The following FHOD3 variants were observed in gnomAD, a reference collection of about 807,000 sequenced individuals.
The protein encoded by FHOD3 is FH1/FH2 domain-containing protein 3.
In FHOD3, 90 loss-of-function variants were observed where a neutral mutation model predicts 173.0. The ratio of observed to expected loss-of-function variants is 0.52; its 90% CI spans 0.44 to 0.62. The LOEUF (loss-of-function observed/expected upper bound fraction) is 0.62. FHOD3 is among the 20% of genes least tolerant of loss of function. FHOD3 has a pLI of 0.00. For missense variants in FHOD3, 1,945 were observed against 2,034.7 expected (o/e 0.96, Z 0.85); for synonymous variants, 828 against 823.0 (o/e 1.01, Z -0.10).
intron 1 of FHOD3, among the ~76,000 whole-genome samples, chr18:36,314,547 A>G (rs71365635): frequency 1.3e-5 from 2 of 152,230 alleles, no homozygotes; most frequent in Non-Finnish European, 2.9e-5. Flanking sequence ...GGTGGTAGGA[A>G]CAATGGGAGG....
chr18:36,730,646 A>G lies in FHOD3; in HGVS notation c.3418A>G (p.Lys1140Glu). The G allele has an allele frequency of 1.2e-6, 2 of 1,610,396 alleles. No individual in the cohort carries two copies. The highest frequency in any genetic ancestry group is 1.7e-6 in the Non-Finnish European group (2 of 1,179,128). Residue 1140 changes from lysine to glutamate, a missense_variant and splice_region_variant, in exon 20 of 29, where the codon AAA becomes GAA. Around this residue, in one of 5 missense-constraint regions of FHOD3, gnomAD observed 231 missense variants for 321.9 expected, o/e 0.72. Transcript: ENST00000590592. The part of the protein sequence containing the change: ...SKSKELSVSK[K>E]TAADGKRQEI... ...TGGATTCTCCTTTTTTATCACTAAGAAAACTGCTGCAGATGGAAAAAGGCA... is the reference window on the plus strand; with the variant it reads ...TGGATTCTCCTTTTTTATCACTAAGGAAACTGCTGCAGATGGAAAAAGGCA...
At chr18:36,657,724 A>T (rs965769241) in intron 13 of FHOD3, among the ~76,000 whole-genome samples, 4 of 152,368 alleles carry the variant, frequency 2.6e-5, no homozygotes, top group African/African-American at 9.6e-5. Context: ...CCACCATGTG[A>T]GGCAAGAAAA....
At chr18:36,703,191 G>C (rs968019894) in intron 17 of FHOD3, among the ~76,000 whole-genome samples, 17 of 152,194 alleles carry the variant, frequency 1.1e-4, no homozygotes. Flanking sequence ...CCAGAGGAGA[G>C]AGACCAAGGG....
At chr18:36,423,060 T>C (rs2050066316) in intron 3 of FHOD3, among the ~76,000 whole-genome samples, 1 of 151,908 alleles carries the variant, frequency 6.6e-6, no homozygotes, top group Admixed American at 6.6e-5. Context: ...GAGCTCTGCT[T>C]CCTGGAGGTA....
chr18:36,745,157 G>C (rs1040160749), intron 23 of FHOD3, among the ~76,000 whole-genome samples: 1 of 152,180 alleles, frequency 6.6e-6, no homozygotes, highest in African/African-American at 2.4e-5. Context: ...CCTGGCTTGT[G>C]GGGACCTGGT....
intron 3 of FHOD3, among the ~76,000 whole-genome samples, chr18:36,425,408 G>A (rs1310817719): frequency 6.6e-6 from 1 of 152,094 alleles, no homozygotes; most frequent in Non-Finnish European, 1.5e-5. Flanking sequence ...TGAAGGGGAG[G>A]GATGGAAATG....
intron 20 of FHOD3, among the ~76,000 whole-genome samples, chr18:36,738,179 C>T (rs1279605421): frequency 1.3e-5 from 2 of 152,110 alleles, no homozygotes; most frequent in Non-Finnish European, 2.9e-5. Context: ...CCTTTTATTG[C>T]CGAGTGCTAT....
intron 4 of FHOD3, among the ~76,000 whole-genome samples, chr18:36,503,318 C>A (rs966302553): frequency 1.3e-5 from 2 of 152,208 alleles, no homozygotes; most frequent in African/African-American, 4.8e-5. Flanking sequence ...TTACATTCTA[C>A]TTCTTTTCAG....
chr18:36,617,767 A>C (rs138444005), intron 9 of FHOD3, among the ~76,000 whole-genome samples: 548 of 152,262 alleles, frequency 3.6e-3, no homozygotes, highest in African/African-American at 0.013. Context: ...TTGGAAAATT[A>C]CATGGGCCTG....
In FHOD3 at chr18:36,333,304, G is replaced by A. The variant is rs529460283; in HGVS notation, c.166-22235G>A. ...TGGCTGTCAGGTAAAGACAGCTGCT[G>A]CTGGCTACCTTTGTCTTGGAACACT... On this transcript the variant is annotated intron_variant, in intron 1 of 28. Coordinates refer to ENST00000590592, the MANE Select transcript of FHOD3 (RefSeq NM_001281740.3). Among the ~76,000 whole-genome samples, 6 of 152,320 alleles carry A rather than the reference G, an allele frequency of 3.9e-5. No individual in the cohort carries two copies. In the South Asian group the frequency reaches 8.3e-4, roughly 21 times the overall value.
intron 3 of FHOD3, among the ~76,000 whole-genome samples, chr18:36,460,011 T>G (rs749171812): frequency 2.0e-5 from 3 of 152,200 alleles, no homozygotes; most frequent in Non-Finnish European, 2.9e-5. Flanking sequence ...TGGTCAGATA[T>G]TGAGTAAAGT....
At chr18:36,561,360 G>A (rs75719898) in intron 5 of FHOD3, among the ~76,000 whole-genome samples, 42 of 152,276 alleles carry the variant, frequency 2.8e-4, no homozygotes, top group African/African-American at 9.9e-4. Context: ...GGGACACTCA[G>A]CCTTGTCACA....
intron 1 of FHOD3, among the ~76,000 whole-genome samples, chr18:36,328,867 C>T (rs932250174): frequency 1.3e-5 from 2 of 152,068 alleles, no homozygotes; most frequent in African/African-American, 2.4e-5. Context: ...ACAATGAGGA[C>T]CTCATTTTGT....
intron 1 of FHOD3, 46 bp from the exon 2 acceptor site, chr18:36,355,493 T>A: frequency 6.7e-7 from 1 of 1,484,482 alleles, no homozygotes; most frequent in African/African-American, 1.4e-5. Flanking sequence ...ATATGTAGTC[T>A]CCATCTGAGG....
At chr18:36,605,364 C>G (rs1316153834) in intron 8 of FHOD3, among the ~76,000 whole-genome samples, 1 of 152,214 alleles carries the variant, frequency 6.6e-6, no homozygotes, top group Non-Finnish European at 1.5e-5. Flanking sequence ...TTGCTAATCA[C>G]TGGCAGAGAC....
Position 36,760,790 on chromosome 18 carries a change from C to T in FHOD3, c.4624+8C>T, listed in dbSNP as rs199858579. The T allele has an allele frequency of 1.9e-6, 3 of 1,605,666 alleles. No individual in the cohort carries two copies. Among genetic ancestry groups the T allele is most frequent in the African/African-American group, 1.3e-5 (1 of 74,946 alleles). On this transcript the variant is annotated splice_region_variant and intron_variant, in intron 27 of 28. Coordinates refer to ENST00000590592, the MANE Select transcript of FHOD3 (RefSeq NM_001281740.3). ...GCAGCCGAGCAAGCCGAGGTAACTC[C>T]TGGCTGCGCGGGGCTCGTCTTGTCT...
chr18:36,488,906 GA>G (rs1219969060), intron 3 of FHOD3, among the ~76,000 whole-genome samples: 3 of 152,180 alleles, frequency 2.0e-5, no homozygotes, highest in African/African-American at 7.2e-5. Flanking sequence ...ATGAAGTAGA[GA>G]AAATGGCCCC....
rs563254510 is a variant in FHOD3 at position 36,477,895 on chromosome 18, C to T, written c.338-24037C>T. On this transcript the variant is annotated intron_variant, in intron 3 of 28. Transcript: ENST00000590592. The stretch of plus-strand genomic sequence containing the variant: ...TCTGGACTGGGATGGTCAGGGAAGA[C>T]GAAGAACCACGGCATGCAGTGCTGA... Among the ~76,000 whole-genome samples, 18 of 152,224 alleles carry T rather than the reference C, an allele frequency of 1.2e-4. No homozygotes were observed. In the South Asian group the frequency reaches 1.9e-3, roughly 16 times the overall value.
intron 1 of FHOD3, among the ~76,000 whole-genome samples, chr18:36,301,433 A>T (rs1041406316): frequency 6.6e-6 from 1 of 152,250 alleles, no homozygotes; most frequent in Admixed American, 6.5e-5. Flanking sequence ...TTATTTTAAA[A>T]AACTTCATCT....
Sources: allele counts gnomAD v4.1 joint callset (sites outside exome capture counted in the v4.1 genomes callset), GRCh38; gene constraint gnomAD v4.1.1; regional missense constraint gnomAD v4.1.1; transcripts MANE v1.5; gene names NCBI Gene and HGNC (gene_info 2026-07-23, HGNC 2026-07-21).